BOLA3: variants seen among roughly 807,000 people sequenced by gnomAD.
BOLA3 encodes the protein bolA family member 3.
A neutral mutation model predicts 14.5 loss-of-function variants in BOLA3; 8 were observed. That is an observed-to-expected ratio of 0.55 (90% confidence interval 0.32 to 0.99). The LOEUF (loss-of-function observed/expected upper bound fraction) is 0.99. BOLA3 is among the 50% of genes least tolerant of loss of function. The pLI, the probability that BOLA3 is intolerant of heterozygous loss-of-function variation, is 0.04. For missense variants in BOLA3, 115 were observed against 138.2 expected, an observed-to-expected ratio of 0.83 and a Z score of 0.84; for synonymous variants, 42 against 45.7, an observed-to-expected ratio of 0.92 and a Z score of 0.33.
At chr2:74,142,802 T>G (rs1692470365) in intron 2 of BOLA3, among the ~76,000 whole-genome samples, 1 of 152,370 alleles carries the variant, frequency 6.6e-6, no homozygotes, top group African/African-American at 2.4e-5. Context: ...TGTGTAATAC[T>G]GTCCAAAGAA....
intron 3 of BOLA3, among the ~76,000 whole-genome samples, chr2:74,142,023 T>C (rs1396240808): frequency 1.3e-5 from 2 of 152,218 alleles, no homozygotes; most frequent in African/African-American, 4.8e-5. Flanking sequence ...ACAGTAAACA[T>C]AGGTAGCATT....
rs1360523694 is a variant in BOLA3 at position 74,135,614 on chromosome 2, A to G, written c.303T>C (p.Phe101=). The change falls in exon 4 of 4, where the codon TTT becomes TTC. Residue 101 remains phenylalanine (F), a synonymous_variant. Coordinates refer to ENST00000327428, the MANE Select transcript of BOLA3 (RefSeq NM_212552.3). ...EIKEMHGLRI[F]TSVPKR is the part of the protein sequence containing the mutation. The stretch of plus-strand genomic sequence containing the variant: ...GTGGTCAGCGTTTGGGGACAGAGGT[A>G]AATATCCGCAATCCATGCATCTCTT... The G allele has an allele frequency of 1.2e-6, 2 of 1,614,042 alleles. No homozygotes were observed. Among genetic ancestry groups the G allele is most frequent in the African/African-American group, 2.7e-5 (2 of 74,944 alleles).
At chr2:74,147,765 G>T in intron 1 of BOLA3, 56 bp downstream of exon 1, 1 of 1,517,320 alleles carries the variant, frequency 6.6e-7, no homozygotes, top group Non-Finnish European at 8.8e-7. Context: ...CCGGCCCCGC[G>T]GTCCCTCCGC....
At chr2:74,140,548 A>T (rs1481287897) in intron 3 of BOLA3, among the ~76,000 whole-genome samples, 3 of 152,156 alleles carry the variant, frequency 2.0e-5, no homozygotes, top group African/African-American at 7.2e-5. Context: ...AAGACAAGTG[A>T]CTGGGCTGTC....
rs758838265 is a variant in BOLA3 at position 74,145,152 on chromosome 2, T to C, written c.169+37A>G. ...TCTGTCCTTCCAAAGGGCAAAATCTTATCCAAGCGCCGTAGGAAGAGTGAG... is the reference window on the plus strand; with the variant it reads ...TCTGTCCTTCCAAAGGGCAAAATCTCATCCAAGCGCCGTAGGAAGAGTGAG... On this transcript the variant is annotated intron_variant, in intron 2 of 3. Coordinates refer to ENST00000327428, the MANE Select transcript of BOLA3 (RefSeq NM_212552.3). 12 of 1,226,220 alleles carry C rather than the reference T, an allele frequency of 9.8e-6. No homozygotes were observed. In the South Asian group the frequency reaches 1.3e-4, roughly 13 times the overall value. The allele number at this position is 1,226,220 out of a possible 1,614,324, so 76.0% of individuals were successfully genotyped here.
In BOLA3 at chr2:74,135,558, T is replaced by A; in HGVS notation, c.*35A>T. On this transcript the variant is annotated 3_prime_UTR_variant, in exon 4 of 4. Transcript: ENST00000327428. The stretch of plus-strand genomic sequence containing the variant: ...TGATGTCAGTGAAGTTCATCCAAGG[T>A]CTTAAGCAGCAGCATCTATGCAGCC... The A allele has an allele frequency of 6.2e-7, 1 of 1,613,448 alleles. No homozygotes were observed. Among genetic ancestry groups the A allele is most frequent in the Non-Finnish European group, 8.5e-7 (1 of 1,179,628 alleles).
At position 74,147,537 on chromosome 2, in the gene BOLA3, C is replaced by G. The variant is rs968316596; in HGVS notation, c.54+284G>C. On this transcript the variant is annotated intron_variant, in intron 1 of 3. Coordinates refer to ENST00000327428, the MANE Select transcript of BOLA3 (RefSeq NM_212552.3). ...AACCAATCCTTTTTTTTTCCTGTGC[C>G]CGCAGTATTATGACTGTTCATGTGT... The G allele has an allele frequency of 8.2e-6, 4 of 490,516 alleles. No homozygotes were observed. In the African/African-American group the frequency reaches 8.3e-5, roughly 10 times the overall value. 30.4% of individuals were successfully genotyped at this position (490,516 alleles called of 1,614,324 possible).
At chr2:74,141,953 A>C (rs931604255) in intron 3 of BOLA3, among the ~76,000 whole-genome samples, 2 of 152,206 alleles carry the variant, frequency 1.3e-5, no homozygotes, top group African/African-American at 4.8e-5. Flanking sequence ...TCAGATCTAC[A>C]AAAACATGTA....
At position 74,145,400 on chromosome 2, in the gene BOLA3, G is replaced by C. The variant is rs1012573028; in HGVS notation, c.55-97C>G. 64 of 805,382 alleles carry C rather than the reference G, an allele frequency of 7.9e-5. 1 individual carries two copies. The highest frequency in any genetic ancestry group is 1.3e-5 in the Non-Finnish European group (6 of 453,160). The allele number at this position is 805,382 out of a possible 1,614,324, so 49.9% of individuals were successfully genotyped here. A position where few individuals can be genotyped will look rare whatever the true frequency, so the allele number is the denominator to read the frequency against. Reference sequence around the variant, plus strand: ...GCCCGCCTGCCATTCCCCCTGCAAGGCAGGCCCCTGAGCCCTCGCCAGCAC... The same window carrying C: ...GCCCGCCTGCCATTCCCCCTGCAAGCCAGGCCCCTGAGCCCTCGCCAGCAC... On this transcript the variant is annotated intron_variant, in intron 1 of 3. Coordinates refer to ENST00000327428, the MANE Select transcript of BOLA3 (RefSeq NM_212552.3).
chr2:74,142,401 C>T, intron 2 of BOLA3, 41 bp from the exon 3 acceptor site: 5 of 1,421,758 alleles, frequency 3.5e-6, no homozygotes, highest in Non-Finnish European at 5.0e-6. Context: ...ATTATTAAGT[C>T]ATGGCAGCCA....
intron 3 of BOLA3, 70 bp downstream of exon 3, chr2:74,142,202 C>A: frequency 1.7e-6 from 2 of 1,165,998 alleles, no homozygotes; most frequent in African/African-American, 1.5e-5. Context: ...GCAAAAACCA[C>A]CATCCCTGCT....
intron 3 of BOLA3, 113 bp from the exon 4 acceptor site, chr2:74,135,771 G>T: frequency 1.2e-6 from 1 of 821,692 alleles, no homozygotes; most frequent in Non-Finnish European, 2.0e-6. Context: ...TATGTGCTTT[G>T]TTTAAGCAAT....
chr2:74,138,010 G>A (rs935962587), intron 3 of BOLA3, among the ~76,000 whole-genome samples: 10 of 152,176 alleles, frequency 6.6e-5, no homozygotes, highest in African/African-American at 2.2e-4. Context: ...ACTGACCCTG[G>A]ACAGAGGAAC....
intron 3 of BOLA3, among the ~76,000 whole-genome samples, chr2:74,141,161 G>A (rs542889080): frequency 1.5e-4 from 23 of 152,264 alleles, no homozygotes; most frequent in South Asian, 1.0e-3. Context: ...AAGAGTTTCC[G>A]GGAGGGCTCA....
rs761339384 is a variant in BOLA3, at chr2:74,147,909, G to A, written c.-35C>T. The A allele has an allele frequency of 1.1e-3, 1,634 of 1,497,286 alleles. No homozygotes were observed. Among genetic ancestry groups the A allele is most frequent in the Non-Finnish European group, 1.4e-3 (1,578 of 1,130,060 alleles). 92.8% of individuals were successfully genotyped at this position (1,497,286 alleles called of 1,614,324 possible). On this transcript the variant is annotated 5_prime_UTR_variant, in exon 1 of 4. Coordinates refer to ENST00000327428, the MANE Select transcript of BOLA3 (RefSeq NM_212552.3). ...ACGTGACCCGCCGCCCGAGGTCACT[G>A]TATGCCCGAAAGACGCGGAGCGGGG...
intron 1 of BOLA3, chr2:74,145,526 A>T: frequency 1.7e-6 from 1 of 573,016 alleles, no homozygotes; most frequent in Non-Finnish European, 3.1e-6. Flanking sequence ...GATGATTGTT[A>T]ATAACTCAAT....
intron 3 of BOLA3, among the ~76,000 whole-genome samples, chr2:74,137,861 T>G (rs972393089): frequency 1.3e-5 from 2 of 152,202 alleles, no homozygotes; most frequent in Non-Finnish European, 2.9e-5. Flanking sequence ...ATATAATCAC[T>G]GGGCGAAGGT....
chr2:74,142,965 C>T lies in BOLA3; in HGVS notation c.170-605G>A, dbSNP rs575030465. Among the ~76,000 whole-genome samples the T allele has an allele frequency of 3.9e-5, 6 of 152,228 alleles. No individual in the cohort carries two copies. The East Asian group carries it at 5.8e-4, about 15-fold the overall frequency. ...GGGGAGAACTTTTTGGTGAAGCCCT[C>T]GAGGCAGAGCTTGGTGGGCCATCCA... On this transcript the variant is annotated intron_variant, in intron 2 of 3. Transcript: ENST00000327428.
intron 1 of BOLA3, 37 bp downstream of exon 1, chr2:74,147,784 T>C (rs1308580740): frequency 1.2e-4 from 189 of 1,528,528 alleles, no homozygotes; most frequent in Non-Finnish European, 1.4e-4. Context: ...GCAGCTCCCG[T>C]CCCGGGGAGA....
Sources: allele counts gnomAD v4.1 joint callset (sites outside exome capture counted in the v4.1 genomes callset), GRCh38; gene constraint gnomAD v4.1.1; transcripts MANE v1.5; gene names NCBI Gene and HGNC (gene_info 2026-07-23, HGNC 2026-07-21).